ANK1: variants seen among roughly 807,000 people sequenced by gnomAD.
ANK1 encodes the protein ankyrin 1.
A neutral mutation model predicts 210.4 loss-of-function variants in ANK1; 51 were observed. The observed-to-expected ratio is 0.24, with a 90% confidence interval of 0.19 to 0.31. The LOEUF (loss-of-function observed/expected upper bound fraction) is 0.31. ANK1 is among the 10% of genes least tolerant of loss of function. The pLI, the probability that ANK1 is intolerant of heterozygous loss-of-function variation, is 1.00. For synonymous variants in ANK1, 967 were observed against 1,025.9 expected (o/e 0.94, Z 1.10); for missense variants, 2,051 against 2,504.4 (o/e 0.82, Z 3.86).
intron 1 of ANK1, among the ~76,000 whole-genome samples, chr8:41,844,348 G>GT (rs1809602865): frequency 5.3e-5 from 8 of 152,182 alleles, no homozygotes; most frequent in Admixed American, 3.9e-4. Flanking sequence ...GTAGATCCAG[G>GT]TCAGAAAAGT....
intron 2 of ANK1, among the ~76,000 whole-genome samples, chr8:41,745,438 C>A (rs995696429): frequency 6.6e-6 from 1 of 152,106 alleles, no homozygotes; most frequent in South Asian, 2.1e-4. Flanking sequence ...GAAGAACGGG[C>A]GTAGATAATG....
At chr8:41,833,031 C>G (rs1208984368) in intron 1 of ANK1, among the ~76,000 whole-genome samples, 1 of 152,212 alleles carries the variant, frequency 6.6e-6, no homozygotes, top group Non-Finnish European at 1.5e-5. Context: ...AAAAGGCAAA[C>G]AGCATGCCCT....
intron 39 of ANK1, chr8:41,664,828 C>T (rs1245212295): frequency 6.2e-7 from 1 of 1,611,332 alleles, no homozygotes; most frequent in African/African-American, 1.3e-5. Flanking sequence ...CGCCGCCGGA[C>T]CACCCTGGTG....
intron 1 of ANK1, among the ~76,000 whole-genome samples, chr8:41,856,874 CTTTTT>C (rs35341809): frequency 8.8e-4 from 84 of 95,264 alleles, no homozygotes; most frequent in Admixed American, 1.1e-3. Context: ...TAACAGCCCT[CTTTTT>C]TTTTTTTTTT....
At chr8:41,742,798 G>A (rs1473283011) in intron 2 of ANK1, among the ~76,000 whole-genome samples, 1 of 152,176 alleles carries the variant, frequency 6.6e-6, no homozygotes, top group African/African-American at 2.4e-5. Flanking sequence ...TGAATAAAAT[G>A]AAAGATGAGA....
intron 1 of ANK1, among the ~76,000 whole-genome samples, chr8:41,779,208 C>T (rs1844763458): frequency 6.6e-6 from 1 of 152,056 alleles, no homozygotes; most frequent in South Asian, 2.1e-4. Context: ...CTGAGACATG[C>T]CCCTTGCTTG....
chr8:41,788,570 T>C (rs1846932875), intron 1 of ANK1, among the ~76,000 whole-genome samples: 1 of 152,198 alleles, frequency 6.6e-6, no homozygotes, highest in South Asian at 2.1e-4. Flanking sequence ...ATCTGTAACA[T>C]GGGTAATTTT....
chr8:41,673,960 C>T (rs12543292), intron 37 of ANK1, among the ~76,000 whole-genome samples: 21,373 of 152,218 alleles, frequency 0.14, 1,889 homozygotes, highest in Middle Eastern at 0.31. Context: ...TAGGGACCTT[C>T]CTGCCATCGA....
intron 1 of ANK1, among the ~76,000 whole-genome samples, chr8:41,806,150 T>C (rs1850938447): frequency 1.3e-5 from 2 of 152,226 alleles, no homozygotes. Context: ...GTCCCCAGGC[T>C]ACACTTTGAA....
At chr8:41,780,649 G>C (rs1029554491) in intron 1 of ANK1, among the ~76,000 whole-genome samples, 2 of 152,252 alleles carry the variant, frequency 1.3e-5, no homozygotes, top group Non-Finnish European at 2.9e-5. Context: ...GGGAACATGT[G>C]TTCCATGGGC....
chr8:41,763,879 T>C (rs1351781474), intron 1 of ANK1, among the ~76,000 whole-genome samples: 3 of 120,098 alleles, frequency 2.5e-5, no homozygotes, highest in Non-Finnish European at 3.4e-5. Flanking sequence ...CTTTCTTTTT[T>C]TCTTTTTTTC....
chr8:41,837,827 C>T (rs560875524), intron 1 of ANK1, among the ~76,000 whole-genome samples: 1 of 152,172 alleles, frequency 6.6e-6, no homozygotes, highest in South Asian at 2.1e-4. Flanking sequence ...GCTGAGATCA[C>T]ACCATTGCAC....
At chr8:41,894,697 C>T (rs1185830569) in intron 1 of ANK1, among the ~76,000 whole-genome samples, 2 of 152,096 alleles carry the variant, frequency 1.3e-5, no homozygotes, top group African/African-American at 4.8e-5. Flanking sequence ...AAGCAGGAGG[C>T]AGGAATGGAA....
intron 1 of ANK1, among the ~76,000 whole-genome samples, chr8:41,893,130 C>T (rs1313245789): frequency 6.6e-6 from 1 of 152,192 alleles, no homozygotes; most frequent in African/African-American, 2.4e-5. Context: ...TCTCCTCCTA[C>T]CCTCAAGCTC....
intron 2 of ANK1, among the ~76,000 whole-genome samples, chr8:41,748,130 T>G (rs1836651355): frequency 6.6e-6 from 1 of 152,172 alleles, no homozygotes; most frequent in Non-Finnish European, 1.5e-5. Flanking sequence ...GTGCCAGGCA[T>G]AGGGGCACCT....
At position 41,654,502 on chromosome 8, in the gene ANK1, GC is replaced by G. The variant is rs1489538172; in HGVS notation, c.*1287del. On this transcript the variant is annotated 3_prime_UTR_variant, in exon 43 of 43. Coordinates refer to ENST00000289734, the MANE Select transcript of ANK1 (RefSeq NM_000037.4). ...ACCCAGGGTCCCCAGCCTGCAGGCTGCCTGGACTTAGAGCACCAAGTTCACT... is the reference window on the plus strand; with the variant it reads ...ACCCAGGGTCCCCAGCCTGCAGGCTGCTGGACTTAGAGCACCAAGTTCACT... The G allele has an allele frequency of 5.9e-5, 9 of 152,664 alleles. No individual in the cohort carries two copies. Among genetic ancestry groups the G allele is most frequent in the Non-Finnish European group, 1.2e-4 (8 of 68,074 alleles). 9.5% of individuals were successfully genotyped at this position (152,664 alleles called of 1,614,324 possible).
At chr8:41,878,087 C>T (rs533819086) in intron 1 of ANK1, among the ~76,000 whole-genome samples, 3 of 152,332 alleles carry the variant, frequency 2.0e-5, no homozygotes, top group South Asian at 4.1e-4. Flanking sequence ...GAGTCCACAG[C>T]GGTACCAGAC....
chr8:41,766,182 G>T (rs1232030259), intron 1 of ANK1, among the ~76,000 whole-genome samples: 3 of 152,158 alleles, frequency 2.0e-5, no homozygotes, highest in Admixed American at 6.5e-5. Flanking sequence ...TTTCCTGGGG[G>T]ACCTGCAGCC....
intron 40 of ANK1, 36 bp downstream of exon 40, chr8:41,663,623 C>T (rs1809322419): frequency 6.3e-7 from 1 of 1,590,942 alleles, no homozygotes; most frequent in Non-Finnish European, 8.6e-7. Context: ...GCCCACCTGC[C>T]TCTCCCCAGC....
Sources: allele counts gnomAD v4.1 joint callset (sites outside exome capture counted in the v4.1 genomes callset), GRCh38; gene constraint gnomAD v4.1.1; transcripts MANE v1.5; gene names NCBI Gene and HGNC (gene_info 2026-07-23, HGNC 2026-07-21).